The following CPA3 variants were observed in gnomAD, a reference collection of about 807,000 sequenced individuals.
CPA3 encodes the protein mast cell carboxypeptidase A.
Under a neutral mutation model 55.8 loss-of-function variants are expected in CPA3, and 52 were observed. The observed-to-expected ratio is 0.93, with a 90% CI of 0.75 to 1.17. The LOEUF (loss-of-function observed/expected upper bound fraction) is 1.17. CPA3 is among the 50% of genes most tolerant of loss of function. The pLI is 0.00. For missense variants in CPA3, 547 were observed against 509.1 expected (o/e 1.07, Z -0.72); for synonymous variants, 179 against 171.2 (o/e 1.05, Z -0.36).
At chr3:148,870,405 A>T (rs1610203) in intron 3 of CPA3, among the ~76,000 whole-genome samples, 148,601 of 152,262 alleles carry the variant, frequency 0.98, 72,532 homozygotes, top group African/African-American at 0.99. Flanking sequence ...TGCTCACCAT[A>T]AACTTGATTT....
chr3:148,894,922 C>T (rs1456671639), intron 10 of CPA3, among the ~76,000 whole-genome samples: 1 of 152,148 alleles, frequency 6.6e-6, no homozygotes, highest in African/African-American at 2.4e-5. Context: ...CATCCCAATG[C>T]TCTCTGAGTT....
intron 10 of CPA3, among the ~76,000 whole-genome samples, chr3:148,894,887 G>A (rs1714783523): frequency 6.6e-6 from 1 of 152,030 alleles, no homozygotes; most frequent in South Asian, 2.1e-4. Context: ...GTATCACTTT[G>A]TCTTCCTTTG....
At chr3:148,884,774 C>T (rs544960694) in intron 9 of CPA3, among the ~76,000 whole-genome samples, 7 of 151,402 alleles carry the variant, frequency 4.6e-5, no homozygotes, top group South Asian at 4.2e-4. Flanking sequence ...AATCTGAGGG[C>T]GTGAGTTCAA....
intron 8 of CPA3, among the ~76,000 whole-genome samples, chr3:148,883,086 A>G (rs1399093073): frequency 6.6e-6 from 1 of 152,206 alleles, no homozygotes; most frequent in Middle Eastern, 3.2e-3. Context: ...ATCACTGCAC[A>G]CTTTCAAGGA....
intron 6 of CPA3, among the ~76,000 whole-genome samples, chr3:148,880,998 C>T (rs1350400144): frequency 6.6e-6 from 1 of 151,946 alleles, no homozygotes; most frequent in African/African-American, 2.4e-5. Flanking sequence ...ACAGAAAGTG[C>T]ATGTGATTAG....
intron 10 of CPA3, among the ~76,000 whole-genome samples, chr3:148,890,514 G>T (rs1051321972): frequency 3.4e-5 from 4 of 116,054 alleles, no homozygotes; most frequent in African/African-American, 1.0e-4. Context: ...TTCTGAAAAA[G>T]AAAAGTTAAG....
chr3:148,889,356 G>A (rs1010429068), intron 10 of CPA3, among the ~76,000 whole-genome samples: 1 of 152,094 alleles, frequency 6.6e-6, no homozygotes, highest in Non-Finnish European at 1.5e-5. Context: ...GTGATTTCCT[G>A]TCTTCGACTT....
intron 6 of CPA3, among the ~76,000 whole-genome samples, chr3:148,880,825 G>A (rs1714343116): frequency 6.6e-6 from 1 of 152,084 alleles, no homozygotes; most frequent in South Asian, 2.1e-4. Flanking sequence ...AATCCACCAG[G>A]AAGTGACCTG....
Position 148,865,330 on chromosome 3 carries a change from G to A in CPA3, c.23G>A (p.Gly8Asp). Reference protein sequence around the residue: MRLILPVGLIATTLAIAP... With the variant: MRLILPVDLIATTLAIAP... ...ACCATGAGGCTCATCCTGCCTGTGG[G>A]TTTGATTGCTACCACTCTTGCAATT... is the stretch of plus-strand genomic sequence containing the variant. The change falls in exon 1 of 11, where the codon GGT (glycine) becomes GAT (aspartate). Residue 8 changes from glycine to aspartate, a missense_variant. Coordinates refer to ENST00000296046, the MANE Select transcript of CPA3 (RefSeq NM_001870.4). 6.2e-7 allele frequency: 1 copy of A among 1,614,144 alleles called. No homozygotes were observed. The highest frequency in any genetic ancestry group is 8.5e-7 in the Non-Finnish European group (1 of 1,179,998).
intron 3 of CPA3, among the ~76,000 whole-genome samples, chr3:148,873,139 C>G (rs1367364947): frequency 6.6e-6 from 1 of 151,172 alleles, no homozygotes; most frequent in African/African-American, 2.4e-5. Flanking sequence ...GAGTAGTATT[C>G]CTCAAACTTT....
chr3:148,890,045 G>A (rs1346969429), intron 10 of CPA3, among the ~76,000 whole-genome samples: 1 of 151,840 alleles, frequency 6.6e-6, no homozygotes, highest in East Asian at 1.9e-4. Flanking sequence ...GCTGATCTAA[G>A]CAAAACTTCT....
At chr3:148,869,973 G>C (rs1714017438) in intron 3 of CPA3, 2 of 151,386 alleles carry the variant, frequency 1.3e-5, no homozygotes, top group Admixed American at 1.3e-4. Flanking sequence ...TGTGCCTGTA[G>C]TCCCAGCTAC....
chr3:148,878,579 AC>A, intron 4 of CPA3, 36 bp downstream of exon 4: 1 of 1,563,106 alleles, frequency 6.4e-7, no homozygotes. Context: ...TTTTTAAGTT[AC>A]CCTTAATATT....
At chr3:148,871,965 A>C (rs1340657220) in intron 3 of CPA3, among the ~76,000 whole-genome samples, 1 of 152,200 alleles carries the variant, frequency 6.6e-6, no homozygotes, top group Non-Finnish European at 1.5e-5. Flanking sequence ...ATCTGGTCGG[A>C]CCCAGGCACC....
intron 10 of CPA3, among the ~76,000 whole-genome samples, chr3:148,890,941 A>G (rs1714648016): frequency 6.6e-6 from 1 of 152,254 alleles, no homozygotes; most frequent in Non-Finnish European, 1.5e-5. Flanking sequence ...GCTGTCAACA[A>G]AAACAAAATT....
intron 10 of CPA3, 27 bp downstream of exon 10, chr3:148,886,204 C>T: frequency 6.9e-7 from 1 of 1,453,498 alleles, no homozygotes; most frequent in Non-Finnish European, 9.5e-7. Flanking sequence ...ATTTACTGAG[C>T]CCTTTTCCCT....
In CPA3 at chr3:148,896,698, T is replaced by G. The variant is rs1290852621; in HGVS notation, c.1245T>G (p.His415Gln). The G allele has an allele frequency of 2.6e-6, 4 of 1,523,940 alleles. No individual in the cohort carries two copies. Among genetic ancestry groups the G allele is most frequent in the Non-Finnish European group, 3.6e-6 (4 of 1,115,730 alleles). 94.4% of individuals were successfully genotyped at this position (1,523,940 alleles called of 1,614,324 possible). ...VKFIAKYILK[H>Q]TS ...TTATTGCCAAGTATATCCTCAAGCA[T>G]ACTTCCTAAAGAACTGCCCTCTGTT... Residue 415 changes from histidine to glutamine, a missense_variant, in exon 11 of 11, where the codon CAT becomes CAG. By Grantham distance (24) the His-to-Gln change is conservative. Coordinates refer to ENST00000296046, the MANE Select transcript of CPA3 (RefSeq NM_001870.4).
In CPA3 at chr3:148,878,550, T is replaced by TA. The variant is rs1368030448; in HGVS notation, c.372+13dup. 1.9e-6 allele frequency: 3 copies of TA among 1,598,174 alleles called. No individual in the cohort carries two copies. Among genetic ancestry groups the TA allele is most frequent in the African/African-American group, 1.3e-5 (1 of 74,458 alleles). ...ATACAATAATTGGGAAAAGGTACAG[T>TA]AAAAAATGCCTGTACTTTTTTTTAA... On this transcript the variant is annotated splice_region_variant and intron_variant, in intron 4 of 10. Transcript: ENST00000296046.
Position 148,882,542 on chromosome 3 carries a change from A to C in CPA3, c.725A>C (p.Asn242Thr). The change falls in exon 8 of 11, where the codon AAC becomes ACC. Residue 242 changes from asparagine to threonine, a missense_variant. By Grantham distance (65) the Asn-to-Thr change is moderately conservative. Transcript: ENST00000296046. ...MWRKNRSKNQ[N>T]SKCIGTDLNR... ...AGAAAAAATCGTTCCAAGAACCAAA[A>C]CTCCAAATGCATCGGCACTGACCTC... is the stretch of plus-strand genomic sequence containing the variant. The C allele has an allele frequency of 6.2e-7, 1 of 1,613,720 alleles. No individual in the cohort carries two copies. Among genetic ancestry groups the C allele is most frequent in the East Asian group, 2.2e-5 (1 of 44,838 alleles).
Sources: gnomAD v4.1 joint callset for allele counts (sites outside exome capture counted in the v4.1 genomes callset) on GRCh38, gnomAD v4.1.1 for gene constraint, MANE v1.5 for transcripts, NCBI Gene and HGNC (gene_info 2026-07-23, HGNC 2026-07-21) for gene names.